The following TTC12 variants were observed in gnomAD, a reference collection of about 807,000 sequenced individuals.
The protein encoded by TTC12 is tetratricopeptide repeat domain 12.
A neutral mutation model predicts 90.1 loss-of-function variants in TTC12; 70 were observed. The ratio of observed to expected loss-of-function variants is 0.78; its 90% CI spans 0.64 to 0.95. TTC12 has a LOEUF of 0.95. TTC12 is among the 40% of genes least tolerant of loss of function. TTC12 has a pLI of 0.00. For missense variants in TTC12, 819 were observed against 846.1 expected, an observed-to-expected ratio of 0.97 and a Z score of 0.40; for synonymous variants, 296 against 311.5, an observed-to-expected ratio of 0.95 and a Z score of 0.53.
At position 113,339,375 on chromosome 11, in the gene TTC12, G is replaced by A. The variant is rs532510819; in HGVS notation, c.727G>A (p.Val243Met). ...ELLDSGKNTA[V>M]TTKNLLETLS... is the part of the protein sequence containing the mutation. ...GCTGGATTCAGGAAAGAACACAGCC[G>A]TGACCACCAAGAACCTCCTGGAGAC... The change falls in exon 10 of 22, where the codon GTG (valine) becomes ATG (methionine). Residue 243 changes from valine (V) to methionine (M), a missense_variant. By Grantham distance (21) the Val-to-Met change is conservative. Coordinates refer to ENST00000529221, the MANE Select transcript of TTC12 (RefSeq NM_017868.4). The A allele has an allele frequency of 9.5e-5, 154 of 1,613,944 alleles. 1 individual carries two copies. In the South Asian group the frequency reaches 1.3e-3, roughly 13 times the overall value.
intron 7 of TTC12, among the ~76,000 whole-genome samples, chr11:113,331,689 A>G (rs77761414): frequency 0.014 from 2,191 of 152,360 alleles, 47 homozygotes; most frequent in African/African-American, 0.048. Flanking sequence ...ACATACCATC[A>G]TGCTGATTCA....
intron 18 of TTC12, 73 bp downstream of exon 18, chr11:113,360,081 TATCAGTGTAATC>T (rs2138068240): frequency 1.7e-4 from 191 of 1,152,432 alleles, no homozygotes; most frequent in Non-Finnish European, 2.1e-4. Context: ...TTTGTTTTAT[TATCAGTGTAATC>T]TTTTTGAAGT....
intron 7 of TTC12, among the ~76,000 whole-genome samples, chr11:113,331,886 A>G (rs534677105): frequency 1.3e-5 from 2 of 152,368 alleles, no homozygotes; most frequent in East Asian, 3.9e-4. Context: ...AATGAGAAAA[A>G]AAAATGTACA....
At chr11:113,344,843 C>G (rs150507538) in intron 13 of TTC12, among the ~76,000 whole-genome samples, 167 of 152,118 alleles carry the variant, frequency 1.1e-3, no homozygotes, top group African/African-American at 3.8e-3. Flanking sequence ...GTCCTTAAAC[C>G]CTTTGTGGAA....
At chr11:113,348,105 C>G (rs1555148742) in intron 13 of TTC12, among the ~76,000 whole-genome samples, 1 of 152,238 alleles carries the variant, frequency 6.6e-6, no homozygotes, top group African/African-American at 2.4e-5. Context: ...GGGTGTAAGT[C>G]TCACTCTGTT....
intron 2 of TTC12, 51 bp from the exon 3 acceptor site, chr11:113,323,235 TAG>T (rs1947459269): frequency 5.7e-6 from 8 of 1,391,818 alleles, no homozygotes; most frequent in Non-Finnish European, 7.6e-6. Flanking sequence ...TTCTAGTGAA[TAG>T]AGTCTTTTGA....
At chr11:113,330,001 C>T in intron 7 of TTC12, 22 bp downstream of exon 7, 1 of 1,590,180 alleles carries the variant, frequency 6.3e-7, no homozygotes, top group Non-Finnish European at 8.6e-7. Context: ...TTTCTTTTCC[C>T]ACATGATAGT....
Position 113,331,570 on chromosome 11 carries a change from C to A in TTC12, c.504+1591C>A, listed in dbSNP as rs181818042. 6.5e-3 allele frequency among the ~76,000 whole-genome samples: 986 copies of A among 152,310 alleles called. 9 individuals are homozygous for A. The highest frequency in any genetic ancestry group is 0.046 in the South Asian group (223 of 4,828). On this transcript the variant is annotated intron_variant, in intron 7 of 21. Coordinates refer to ENST00000529221, the MANE Select transcript of TTC12 (RefSeq NM_017868.4). ...AGGGCCTCTCCACTGCAACTTTAAA[C>A]CCCGTAATCCCTGGGTGTGGATGTC...
rs1947935956 is a variant in TTC12 at position 113,329,965 on chromosome 11, G to A, written c.490G>A (p.Glu164Lys). ...EDYEKALVDC[E>K]WALKCDEKCT... ...CTATGAGAAGGCACTGGTGGATTGT[G>A]AGTGGGCTCTCAAGGTAAGAGGGTA... The change falls in exon 7 of 22, where the codon GAG becomes AAG. Residue 164 changes from glutamate (E) to lysine (K), a missense_variant. Glu to Lys is a moderately conservative substitution (Grantham distance 56). Transcript: ENST00000529221. The A allele has an allele frequency of 6.2e-7, 1 of 1,613,572 alleles. No individual in the cohort carries two copies. The highest frequency in any genetic ancestry group is 1.7e-5 in the Admixed American group (1 of 60,026).
chr11:113,320,404 G>C (rs1947234903), intron 2 of TTC12, among the ~76,000 whole-genome samples: 2 of 152,242 alleles, frequency 1.3e-5, no homozygotes, highest in African/African-American at 4.8e-5. Flanking sequence ...GTAGAGAAAA[G>C]AGGAGGAATG....
At chr11:113,315,399 C>T (rs898178757) in intron 1 of TTC12, among the ~76,000 whole-genome samples, 4 of 152,122 alleles carry the variant, frequency 2.6e-5, no homozygotes, top group South Asian at 2.1e-4. Context: ...TTAAATCACT[C>T]GTAGTTTGTT....
At chr11:113,360,946 A>C (rs781822001) in intron 18 of TTC12, among the ~76,000 whole-genome samples, 1 of 152,206 alleles carries the variant, frequency 6.6e-6, no homozygotes, top group African/African-American at 2.4e-5. Flanking sequence ...ATGACCCCCA[A>C]AGTGGTAAGC....
downstream of TTC12, chr11:113,368,138 C>T (rs1264677915): frequency 7.6e-7 from 1 of 1,321,444 alleles, no homozygotes; most frequent in South Asian, 1.3e-5. Context: ...TATTCTCTTC[C>T]CCAAAGAGTG....
chr11:113,373,110 T>G (rs771653713), intron 21 of TTC12: 61 of 752,808 alleles, frequency 8.1e-5, no homozygotes, highest in Non-Finnish European at 9.7e-5. Context: ...TCTATCATTA[T>G]TCTCCCTTTA....
intron 7 of TTC12, among the ~76,000 whole-genome samples, chr11:113,334,576 T>G (rs537144621): frequency 1.2e-4 from 19 of 152,002 alleles, no homozygotes; most frequent in Admixed American, 3.3e-4. Flanking sequence ...AAAAAATTAT[T>G]GATGCCTGGG....
In TTC12 at chr11:113,339,309, C is replaced by G; in HGVS notation, c.661C>G (p.Gln221Glu). ...VKGYLNQVDL[Q>E]EKADLQEKEA... Reference sequence around the variant, plus strand: ...AGGTTACCTGAATCAAGTAGATCTTCAGGAAAAAGCAGACCTTCAAGAAAA... The same window carrying G: ...AGGTTACCTGAATCAAGTAGATCTTGAGGAAAAAGCAGACCTTCAAGAAAA... The change falls in exon 10 of 22, where the codon CAG (glutamine) becomes GAG (glutamate). Residue 221 changes from glutamine (Q) to glutamate (E), a missense_variant. By Grantham distance (29) the Gln-to-Glu change is conservative. Transcript: ENST00000529221. 6.2e-7 allele frequency: 1 copy of G among 1,606,732 alleles called. No homozygotes were observed. The highest frequency in any genetic ancestry group is 1.7e-5 in the Admixed American group (1 of 57,444).
At chr11:113,364,112 C>A (rs894152096) in intron 20 of TTC12, among the ~76,000 whole-genome samples, 185 bp downstream of exon 20, 5 of 152,212 alleles carry the variant, frequency 3.3e-5, no homozygotes, top group Admixed American at 1.3e-4. Context: ...CTTTTGGATG[C>A]ACACAGGTAG....
intron 7 of TTC12, among the ~76,000 whole-genome samples, chr11:113,333,691 A>C (rs375226514): frequency 3.9e-5 from 6 of 152,286 alleles, no homozygotes; most frequent in African/African-American, 1.4e-4. Flanking sequence ...TGCCTGGCAC[A>C]TGGTTTGGGC....
rs1950209091 is a variant in TTC12 at position 113,366,286 on chromosome 11, A to G, written c.2104A>G (p.Ile702Val). Residue 702 changes from isoleucine (I) to valine (V), a missense_variant, in exon 22 of 22, where the codon ATC (isoleucine) becomes GTC (valine). Transcript: ENST00000529221. ...LEILNSTMKY[I>V]SDS ...AATTCTCAACTCTACGATGAAATAC[A>G]TCAGTGATTCTTGAGAGAGACAGGG... The G allele has an allele frequency of 1.9e-6, 3 of 1,613,728 alleles. No individual in the cohort carries two copies. Among genetic ancestry groups the G allele is most frequent in the South Asian group, 2.2e-5 (2 of 91,086 alleles).
Sources: gnomAD v4.1 joint callset for allele counts (sites outside exome capture counted in the v4.1 genomes callset) on GRCh38, gnomAD v4.1.1 for gene constraint, MANE v1.5 for transcripts, NCBI Gene and HGNC (gene_info 2026-07-23, HGNC 2026-07-21) for gene names.